Variants in HNRNPL observed in about 807,000 individuals in gnomAD.
HNRNPL encodes heterogeneous nuclear ribonucleoprotein L.
HNRNPL carries 12 observed loss-of-function variants against 64.0 expected under a neutral mutation model. The ratio of observed to expected loss-of-function variants is 0.19; its 90% CI spans 0.12 to 0.30. The LOEUF (loss-of-function observed/expected upper bound fraction) is 0.30, where lower values mean the gene tolerates loss of function less well. HNRNPL is among the 10% of genes least tolerant of loss of function. The pLI, the probability that HNRNPL is intolerant of heterozygous loss-of-function variation, is 1.00. For missense variants in HNRNPL, 484 were observed against 797.4 expected, an observed-to-expected ratio of 0.61 and a Z score of 4.73; for synonymous variants, 385 against 313.0, an observed-to-expected ratio of 1.23 and a Z score of -2.43.
At chr19:38,850,086 C>T (rs1310408781), upstream of HNRNPL, 1 of 774,788 alleles carries the variant, frequency 1.3e-6, no homozygotes, top group Non-Finnish European at 1.9e-6. Context: ...TAGGCCGCCA[C>T]ACGCCTTGCG....
intron 6 of HNRNPL, 103 bp from the exon 7 acceptor site, chr19:38,840,662 C>A: frequency 1.1e-6 from 1 of 873,782 alleles, no homozygotes; most frequent in Non-Finnish European, 1.8e-6. Context: ...CTGCCAACTG[C>A]AAGCCCTCCC....
At position 38,840,497 on chromosome 19, in the gene HNRNPL, C is replaced by T. The variant is rs1187198388; in HGVS notation, c.943G>A (p.Ala315Thr). ...RQPPLLGDHPAEYGGPHGGYH... is the reference protein window; with the variant it reads ...RQPPLLGDHPTEYGGPHGGYH... Reference sequence around the variant, plus strand: ...AACCCCCTGCCCTCACCATATTCTGCGGGGTGATCTCCCAGGAGAGGGGGC... The same window carrying T: ...AACCCCCTGCCCTCACCATATTCTGTGGGGTGATCTCCCAGGAGAGGGGGC... Residue 315 changes from alanine to threonine, a missense_variant, in exon 7 of 13, where the codon GCA (alanine) becomes ACA (threonine). Physicochemically the swap from Ala to Thr is moderately conservative, Grantham distance 58. Transcript: ENST00000221419. 4 of 1,591,650 alleles carry T rather than the reference C, an allele frequency of 2.5e-6. No individual in the cohort carries two copies. Among genetic ancestry groups the T allele is most frequent in the African/African-American group, 1.3e-5 (1 of 74,654 alleles).
At chr19:38,837,707 G>C in intron 10 of HNRNPL, 56 bp from the exon 11 acceptor site, 2 of 1,486,910 alleles carry the variant, frequency 1.3e-6, no homozygotes, top group Admixed American at 1.7e-5. Context: ...CGCCACACAG[G>C]ATTCAAGCAG....
rs779734803 is a variant in HNRNPL at position 38,849,832 on chromosome 19, G to A, written c.135C>T (p.Gly45=). 7.4e-6 allele frequency: 9 copies of A among 1,222,098 alleles called. No individual in the cohort carries two copies. The highest frequency in any genetic ancestry group is 9.1e-6 in the Non-Finnish European group (8 of 876,848). The allele number at this position is 1,222,098 out of a possible 1,614,324, so 75.7% of individuals were successfully genotyped here. ...MAAAGGGGGG[G]RYYGGGSEGG... ...CCTCACTGCCGCCGCCGTAGTAGCG[G>A]CCACCGCCGCCTCCGCCGCCCGCCG... The change falls in exon 1 of 13, where the codon GGC becomes GGT. Residue 45 remains glycine (G), a synonymous_variant. Coordinates refer to ENST00000221419, the MANE Select transcript of HNRNPL (RefSeq NM_001533.3).
intron 8 of HNRNPL, chr19:38,839,448 G>A (rs562189969): frequency 5.5e-6 from 1 of 180,862 alleles, no homozygotes; most frequent in African/African-American, 2.4e-5. Context: ...TTCACATAAA[G>A]GCTATGTGAA....
At position 38,849,770 on chromosome 19, in the gene HNRNPL, G is replaced by A; in HGVS notation, c.197C>T (p.Ala66Val). 7.0e-7 allele frequency: 1 copy of A among 1,419,652 alleles called. No individual in the cohort carries two copies. The highest frequency in any genetic ancestry group is 9.3e-7 in the Non-Finnish European group (1 of 1,076,702). The allele number at this position is 1,419,652 out of a possible 1,614,324, so 87.9% of individuals were successfully genotyped here. Residue 66 changes from alanine (A) to valine (V), a missense_variant, in exon 1 of 13, where the codon GCC (alanine) becomes GTC (valine). This residue lies in a region of HNRNPL where 190 missense variants were observed against 160.1 expected (regional missense o/e 1.19). Transcript: ENST00000221419. The stretch of plus-strand genomic sequence containing the variant: ...GCCGCCGCCTCCGTGCTGGTCGCCG[G>A]CGTTGTCAGTCTTGAGCCGCTTAGG... ...RAPKRLKTDNAGDQHGGGGGG... is the reference protein window; with the variant it reads ...RAPKRLKTDNVGDQHGGGGGG...
At chr19:38,843,217 C>T (rs926219972) in intron 6 of HNRNPL, among the ~76,000 whole-genome samples, 1 of 152,106 alleles carries the variant, frequency 6.6e-6, no homozygotes, top group Non-Finnish European at 1.5e-5. Flanking sequence ...CATAGGCAAT[C>T]CTCCACCTCT....
At chr19:38,839,969 C>A (rs994478991) in intron 8 of HNRNPL, 127 bp downstream of exon 8, 2 of 808,860 alleles carry the variant, frequency 2.5e-6, no homozygotes, top group Non-Finnish European at 4.1e-6. Flanking sequence ...GCTGCCTGAG[C>A]TCACTGAGTC....
chr19:38,845,988 G>A lies in HNRNPL; in HGVS notation c.489C>T (p.Tyr163=), dbSNP rs757208968. ...AVNYAADNQI[Y]IAGHPAFVNY... is the part of the protein sequence containing the mutation. ...TGACAAAAGCTGGGTGACCAGCAAT[G>A]TATATTTGGTTGTCGGCTGCGTAGT... is the stretch of plus-strand genomic sequence containing the variant. The change falls in exon 3 of 13, where the codon TAC becomes TAT. Residue 163 remains tyrosine, a synonymous_variant. Coordinates refer to ENST00000221419, the MANE Select transcript of HNRNPL (RefSeq NM_001533.3). 3 of 1,614,080 alleles carry A rather than the reference G, an allele frequency of 1.9e-6. No homozygotes were observed. Among genetic ancestry groups the A allele is most frequent in the South Asian group, 1.1e-5 (1 of 91,082 alleles).
rs747401819 is a variant in HNRNPL, at chr19:38,845,911, C to T, written c.566G>A (p.Arg189Gln). ...AAAGAGAAGCACACTGTTCACGCTC[C>T]GGGAGTCATCCGAGTCCCCAGGGCG... The part of the protein sequence containing the change: ...ISRPGDSDDS[R>Q]SVNSVLLFTI... The change falls in exon 3 of 13, where the codon CGG (arginine) becomes CAG (glutamine). Residue 189 changes from arginine (R) to glutamine (Q), a missense_variant. This residue lies in a region of HNRNPL where 60 missense variants were observed against 192.2 expected (regional missense o/e 0.31). Transcript: ENST00000221419. 1.9e-6 allele frequency: 3 copies of T among 1,614,060 alleles called. No individual in the cohort carries two copies. Among genetic ancestry groups the T allele is most frequent in the Non-Finnish European group, 1.7e-6 (2 of 1,180,032 alleles).
chr19:38,848,015 C>T (rs577869624), intron 1 of HNRNPL, among the ~76,000 whole-genome samples: 1 of 152,330 alleles, frequency 6.6e-6, no homozygotes, highest in East Asian at 1.9e-4. Context: ...CCCTTCTAGT[C>T]TTGAATCGCC....
chr19:38,836,989 A>T (rs1352553215), intron 12 of HNRNPL: 2 of 554,464 alleles, frequency 3.6e-6, no homozygotes, highest in Non-Finnish European at 6.4e-6. Flanking sequence ...AGAGAATCCC[A>T]TTCCTATCTC....
intron 1 of HNRNPL, among the ~76,000 whole-genome samples, chr19:38,848,856 A>G (rs1159120288): frequency 6.6e-6 from 1 of 152,212 alleles, no homozygotes; most frequent in Non-Finnish European, 1.5e-5. Flanking sequence ...CAAGGCCAAG[A>G]TTAAAACGCT....
chr19:38,842,163 G>A (rs956110886), intron 6 of HNRNPL: 3 of 145,196 alleles, frequency 2.1e-5, no homozygotes, highest in South Asian at 4.2e-4. Flanking sequence ...GTTGGCAGCC[G>A]GTGACTGCAG....
chr19:38,843,404 G>T, intron 6 of HNRNPL: 1 of 194,868 alleles, frequency 5.1e-6, no homozygotes, highest in Non-Finnish European at 1.1e-5. Context: ...CACTGCAAGA[G>T]CCCAGGAGAC....
At position 38,838,459 on chromosome 19, in the gene HNRNPL, G is replaced by A; in HGVS notation, c.1495C>T (p.Pro499Ser). The A allele has an allele frequency of 6.2e-7, 1 of 1,614,096 alleles. No individual in the cohort carries two copies. Among genetic ancestry groups the A allele is most frequent in the East Asian group, 2.2e-5 (1 of 44,888 alleles). ...EQAAKNRIQH[P>S]SNVLHFFNAP... ...TTGAAGAAGTGCAGCACGTTGCTGG[G>A]GTGCTGGATGCGGTTCTTGGCTGCC... is the stretch of plus-strand genomic sequence containing the variant. The change falls in exon 10 of 13, where the codon CCC (proline) becomes TCC (serine). Residue 499 changes from proline (P) to serine (S), a missense_variant. Physicochemically the swap from Pro to Ser is moderately conservative, Grantham distance 74. Coordinates refer to ENST00000221419, the MANE Select transcript of HNRNPL (RefSeq NM_001533.3).
At position 38,846,108 on chromosome 19, in the gene HNRNPL, G is replaced by T; in HGVS notation, c.387-18C>A. 1 of 1,564,102 alleles carries T rather than the reference G, an allele frequency of 6.4e-7. No homozygotes were observed. Among genetic ancestry groups the T allele is most frequent in the South Asian group, 1.1e-5 (1 of 90,106 alleles). ...CCACATAGCTGGCAGAGAGAACACA[G>T]GTTTCAATCCTCTCAGGAAAATGTA... On this transcript the variant is annotated intron_variant, in intron 2 of 12. Coordinates refer to ENST00000221419, the MANE Select transcript of HNRNPL (RefSeq NM_001533.3).
intron 6 of HNRNPL, 129 bp downstream of exon 6, chr19:38,843,713 C>A (rs1972189964): frequency 4.0e-6 from 3 of 751,442 alleles, no homozygotes; most frequent in African/African-American, 1.7e-5. Context: ...CAAGTGCTGA[C>A]CCCAAGGCCC....
At chr19:38,849,008 G>A (rs1188736361) in intron 1 of HNRNPL, among the ~76,000 whole-genome samples, 1 of 152,130 alleles carries the variant, frequency 6.6e-6, no homozygotes, top group Non-Finnish European at 1.5e-5. Context: ...ACAGGGGGTC[G>A]AAATGCTTCC....
Sources: allele counts gnomAD v4.1 joint callset (sites outside exome capture counted in the v4.1 genomes callset), GRCh38; gene constraint gnomAD v4.1.1; regional missense constraint gnomAD v4.1.1; transcripts MANE v1.5; gene names NCBI Gene and HGNC (gene_info 2026-07-23, HGNC 2026-07-21).